The following ABCA5 variants were observed in gnomAD, a reference collection of about 807,000 sequenced individuals.
The protein encoded by ABCA5 is cholesterol transporter ABCA5.
A neutral mutation model predicts 206.0 loss-of-function variants in ABCA5; 163 were observed. The ratio of observed to expected loss-of-function variants is 0.79; its 90% CI spans 0.70 to 0.90. ABCA5 has a LOEUF of 0.90. Among genes scored for constraint, ABCA5 ranks in the 40% least tolerant of loss-of-function variants. The pLI is 0.00. For missense variants in ABCA5, 1,859 were observed against 1,912.9 expected, an observed-to-expected ratio of 0.97 and a Z score of 0.53; for synonymous variants, 609 against 613.8, an observed-to-expected ratio of 0.99 and a Z score of 0.11.
intron 3 of ABCA5, among the ~76,000 whole-genome samples, chr17:69,312,427 CAG>C (rs2075779214): frequency 6.6e-6 from 1 of 152,040 alleles, no homozygotes; most frequent in East Asian, 1.9e-4. Context: ...ATAAATAAAA[CAG>C]AGTTAGGGAC....
chr17:69,324,263 G>A (rs915515126), intron 1 of ABCA5, among the ~76,000 whole-genome samples: 1 of 152,160 alleles, frequency 6.6e-6, no homozygotes, highest in African/African-American at 2.4e-5. Context: ...TGTGATAAGA[G>A]AGAAAGAGCC....
intron 19 of ABCA5, among the ~76,000 whole-genome samples, chr17:69,276,060 T>G (rs1194779788): frequency 7.0e-6 from 1 of 143,586 alleles, no homozygotes; most frequent in Non-Finnish European, 1.5e-5. Context: ...CAGTCAAAGC[T>G]GACTAAGGTA....
chr17:69,318,899 A>G, intron 1 of ABCA5: 1 of 691,586 alleles, frequency 1.4e-6, no homozygotes, highest in South Asian at 1.4e-5. Context: ...GCAACAGAAC[A>G]ATATTGGAAT....
At chr17:69,265,953 A>G (rs1204969812) in intron 23 of ABCA5, among the ~76,000 whole-genome samples, 6 of 152,214 alleles carry the variant, frequency 3.9e-5, no homozygotes, top group African/African-American at 1.4e-4. Flanking sequence ...AATGAAAATG[A>G]TGTTTACACA....
rs1185576882 is a variant in ABCA5, at chr17:69,273,969, T to G, written c.2754A>C (p.Gln918His). 6.2e-7 allele frequency: 1 copy of G among 1,603,548 alleles called. No homozygotes were observed. Among genetic ancestry groups the G allele is most frequent in the South Asian group, 1.1e-5 (1 of 88,270 alleles). The stretch of plus-strand genomic sequence containing the variant: ...TTCACACACTCTCACCAGCAGAATT[T>G]TGAAGAAGCAGACTTGTTTTGTATT... The part of the protein sequence containing the change: ...PHKYKTSLLL[Q>H]NSADSDISDL... The change falls in exon 20 of 39, where the codon CAA becomes CAC. Residue 918 changes from glutamine to histidine, a missense_variant. Gln to His is a conservative substitution (Grantham distance 24). Coordinates refer to ENST00000392676, the MANE Select transcript of ABCA5 (RefSeq NM_172232.4).
intron 18 of ABCA5, among the ~76,000 whole-genome samples, chr17:69,281,093 C>A (rs2144961090): frequency 6.6e-6 from 1 of 151,280 alleles, no homozygotes; most frequent in East Asian, 1.9e-4. Context: ...AAACCATAAA[C>A]ATATATTTAT....
chr17:69,310,157 A>T (rs765769201), intron 3 of ABCA5, among the ~76,000 whole-genome samples: 1 of 152,034 alleles, frequency 6.6e-6, no homozygotes, highest in Non-Finnish European at 1.5e-5. Context: ...TTTATTTTAT[A>T]TTTTTTTAGA....
intron 12 of ABCA5, 130 bp from the exon 13 acceptor site, chr17:69,290,167 C>G: frequency 5.4e-6 from 3 of 557,748 alleles, no homozygotes; most frequent in South Asian, 3.4e-5. Context: ...ATTTACAAGG[C>G]ACAACACACC....
chr17:69,266,897 G>A (rs1420098096), intron 23 of ABCA5, among the ~76,000 whole-genome samples: 7 of 151,020 alleles, frequency 4.6e-5, no homozygotes, highest in Admixed American at 4.0e-4. Context: ...TTTTGAGATG[G>A]AGTTTTTGCT....
At chr17:69,299,352 A>G (rs970223072) in intron 9 of ABCA5, among the ~76,000 whole-genome samples, 1 of 152,098 alleles carries the variant, frequency 6.6e-6, no homozygotes, top group African/African-American at 2.4e-5. Flanking sequence ...TGTGAAAAAT[A>G]TACTTCCCCA....
In ABCA5 at chr17:69,267,962, T is replaced by C; in HGVS notation, c.3125A>G (p.Glu1042Gly). The stretch of plus-strand genomic sequence containing the variant: ...CATTACCTTATGATTCTCTGCATTT[T>C]CCATGGCAAAGTAAGGTGGCATTGC... ...VTAMPPYFAM[E>G]NAENHKIKAY... is the part of the protein sequence containing the mutation. Residue 1042 changes from glutamate (E) to glycine (G), a missense_variant, in exon 23 of 39, where the codon GAA (glutamate) becomes GGA (glycine). Physicochemically the swap from Glu to Gly is moderately conservative, Grantham distance 98. Transcript: ENST00000392676. The C allele has an allele frequency of 1.2e-6, 2 of 1,607,628 alleles. No individual in the cohort carries two copies. The highest frequency in any genetic ancestry group is 1.7e-6 in the Non-Finnish European group (2 of 1,174,794).
At chr17:69,262,751 T>C (rs1022460530) in intron 24 of ABCA5, among the ~76,000 whole-genome samples, 1 of 151,794 alleles carries the variant, frequency 6.6e-6, no homozygotes, top group African/African-American at 2.4e-5. Context: ...TACCCAGTAA[T>C]GGGGTTTCTG....
intron 19 of ABCA5, among the ~76,000 whole-genome samples, chr17:69,277,333 T>C (rs988237324): frequency 1.3e-5 from 2 of 152,154 alleles, no homozygotes; most frequent in African/African-American, 4.8e-5. Context: ...GAAACTTGAA[T>C]CTGTGCTCCC....
chr17:69,253,984 T>C (rs2075046691), intron 32 of ABCA5, 115 bp from the exon 33 acceptor site: 1 of 809,206 alleles, frequency 1.2e-6, no homozygotes, highest in African/African-American at 1.7e-5. Context: ...CGAAGCTTAT[T>C]ATAAGTAGGT....
chr17:69,277,008 T>C (rs143689549), intron 19 of ABCA5, among the ~76,000 whole-genome samples: 2,572 of 152,252 alleles, frequency 0.017, 72 homozygotes, highest in African/African-American at 0.058. Flanking sequence ...CATTTTGGAC[T>C]TAACAAGATA....
At chr17:69,276,206 C>T (rs9910364) in intron 19 of ABCA5, among the ~76,000 whole-genome samples, 15,115 of 152,174 alleles carry the variant, frequency 0.099, 799 homozygotes, top group Non-Finnish European at 0.11. Context: ...CCTGCCTCAG[C>T]CTCTCAAGTA....
chr17:69,253,942 T>C lies in ABCA5; in HGVS notation c.4245-73A>G, dbSNP rs181482223. Reference sequence around the variant, plus strand: ...ACAAATACCAACTGGGTGTGATCCCTGATGTTGTTTTCTCTAGAATAGTTA... The same window carrying C: ...ACAAATACCAACTGGGTGTGATCCCCGATGTTGTTTTCTCTAGAATAGTTA... On this transcript the variant is annotated intron_variant, in intron 32 of 38. Transcript: ENST00000392676. 115 of 1,263,538 alleles carry C rather than the reference T, an allele frequency of 9.1e-5. No homozygotes were observed. The East Asian group carries it at 2.6e-3, about 29-fold the overall frequency. The allele number at this position is 1,263,538 out of a possible 1,614,324, so 78.3% of individuals were successfully genotyped here. A position where few individuals can be genotyped will look rare whatever the true frequency, so the allele number is the denominator to read the frequency against.
chr17:69,318,683 T>A (rs967171204), intron 1 of ABCA5: 12 of 446,534 alleles, frequency 2.7e-5, no homozygotes, highest in Non-Finnish European at 4.0e-6. Flanking sequence ...TAAAATAAAT[T>A]CTTCCAGCAT....
intron 11 of ABCA5, among the ~76,000 whole-genome samples, chr17:69,293,364 G>GA (rs2075548963): frequency 6.6e-6 from 1 of 152,118 alleles, no homozygotes; most frequent in African/African-American, 2.4e-5. Context: ...GGAAACTCAC[G>GA]CAAGAATCTG....
Sources: allele counts gnomAD v4.1 joint callset (sites outside exome capture counted in the v4.1 genomes callset), GRCh38; gene constraint gnomAD v4.1.1; transcripts MANE v1.5; gene names NCBI Gene and HGNC (gene_info 2026-07-23, HGNC 2026-07-21).